Variants in TMEM131L observed in about 807,000 individuals in gnomAD.
The protein encoded by TMEM131L is transmembrane protein 131-like.
Under a neutral mutation model 192.2 loss-of-function variants are expected in TMEM131L, and 54 were observed. The ratio of observed to expected loss-of-function variants is 0.28; its 90% confidence interval spans 0.23 to 0.35. The LOEUF is 0.35. Ranked by LOEUF, TMEM131L falls within the 10% of genes least tolerant of loss-of-function variation. The pLI, the probability that TMEM131L is intolerant of heterozygous loss-of-function variation, is 1.00. For synonymous variants in TMEM131L, 701 were observed against 704.9 expected (o/e 0.99, Z 0.09); for missense variants, 1,888 against 1,972.9 (o/e 0.96, Z 0.82).
chr4:153,583,986 A>G (rs544342738), intron 11 of TMEM131L, among the ~76,000 whole-genome samples: 1 of 152,334 alleles, frequency 6.6e-6, no homozygotes, highest in Admixed American at 6.5e-5. Context: ...AAAATTGGCA[A>G]ATCTCTATGA....
chr4:153,602,852 CA>C, intron 23 of TMEM131L, 125 bp downstream of exon 23: 2 of 837,614 alleles, frequency 2.4e-6, no homozygotes, highest in Non-Finnish European at 1.9e-6. Context: ...GTTACTGCTT[CA>C]AGAACTGTGA....
intron 7 of TMEM131L, among the ~76,000 whole-genome samples, chr4:153,578,824 T>A (rs1730144048): frequency 6.6e-6 from 1 of 151,100 alleles, no homozygotes; most frequent in Admixed American, 6.6e-5. Flanking sequence ...CTGGCCATTT[T>A]TTTTTGTATT....
chr4:153,602,450 T>C (rs544876883), intron 22 of TMEM131L, 92 bp from the exon 23 acceptor site: 1 of 1,526,362 alleles, frequency 6.6e-7, no homozygotes, highest in East Asian at 2.3e-5. Flanking sequence ...TAAATATTTC[T>C]TTTGTAGGAG....
intron 4 of TMEM131L, among the ~76,000 whole-genome samples, chr4:153,550,561 C>CAA (rs1400797463): frequency 7.2e-5 from 11 of 152,086 alleles, no homozygotes; most frequent in Non-Finnish European, 1.3e-4. Flanking sequence ...CTCCTGACTT[C>CAA]GTGATCCGCC....
At chr4:153,493,142 C>T (rs1453953202) in intron 3 of TMEM131L, among the ~76,000 whole-genome samples, 4 of 151,176 alleles carry the variant, frequency 2.6e-5, no homozygotes, top group Admixed American at 6.6e-5. Context: ...GTCAGGAGAT[C>T]GAGACCATCC....
chr4:153,573,870 A>G (rs1381000037), intron 7 of TMEM131L, among the ~76,000 whole-genome samples: 1 of 152,236 alleles, frequency 6.6e-6, no homozygotes, highest in East Asian at 1.9e-4. Flanking sequence ...GCTTCCCCCA[A>G]GCATCTAAAT....
chr4:153,619,389 A>ATCCT (rs1355011826), intron 26 of TMEM131L, among the ~76,000 whole-genome samples: 1 of 152,252 alleles, frequency 6.6e-6, no homozygotes, highest in Non-Finnish European at 1.5e-5. Context: ...GAGTCTGCAT[A>ATCCT]TCCTTCAGTT....
intron 3 of TMEM131L, among the ~76,000 whole-genome samples, chr4:153,507,710 G>A (rs555023230): frequency 6.6e-6 from 1 of 152,180 alleles, no homozygotes; most frequent in East Asian, 1.9e-4. Context: ...GGAGTGAGAT[G>A]CAAAACAAAA....
At chr4:153,496,742 G>C (rs1199899919) in intron 3 of TMEM131L, among the ~76,000 whole-genome samples, 2 of 151,816 alleles carry the variant, frequency 1.3e-5, no homozygotes, top group African/African-American at 4.8e-5. Flanking sequence ...GTAGACATGG[G>C]GGTCTCACTA....
At position 153,505,338 on chromosome 4, in the gene TMEM131L, C is replaced by T. The variant is rs149504060; in HGVS notation, c.239+31450C>T. ...GGCCAGGCTGGTCTCAAACTCCTGACCTCGTGATCCACCCGCTTCAACCTC... is the reference window on the plus strand; with the variant it reads ...GGCCAGGCTGGTCTCAAACTCCTGATCTCGTGATCCACCCGCTTCAACCTC... On this transcript the variant is annotated intron_variant, in intron 3 of 34. Coordinates refer to ENST00000409959, the MANE Select transcript of TMEM131L (RefSeq NM_001131007.2). 7.1e-3 allele frequency among the ~76,000 whole-genome samples: 1,076 copies of T among 152,192 alleles called. 33 individuals carry two copies. Among genetic ancestry groups the T allele is most frequent in the Admixed American group, 0.055 (840 of 15,280 alleles).
At chr4:153,502,896 A>G (rs56660903) in intron 3 of TMEM131L, among the ~76,000 whole-genome samples, 1,570 of 152,272 alleles carry the variant, frequency 0.01, 23 homozygotes, top group African/African-American at 0.035. Context: ...GAAGATAACT[A>G]GGGGTCAATG....
intron 6 of TMEM131L, 51 bp from the exon 7 acceptor site, chr4:153,558,207 A>T (rs2150485171): frequency 1.0e-6 from 1 of 977,998 alleles, no homozygotes; most frequent in South Asian, 1.4e-5. Context: ...ATTATGGCAA[A>T]TGTGTTTTAA....
intron 3 of TMEM131L, among the ~76,000 whole-genome samples, chr4:153,539,056 A>C (rs1239863444): frequency 6.6e-6 from 1 of 152,256 alleles, no homozygotes; most frequent in Non-Finnish European, 1.5e-5. Context: ...TAGGGGCCAA[A>C]GAGCAACCTC....
At chr4:153,490,420 T>C (rs1274991103) in intron 3 of TMEM131L, among the ~76,000 whole-genome samples, 1 of 152,172 alleles carries the variant, frequency 6.6e-6, no homozygotes, top group Non-Finnish European at 1.5e-5. Context: ...AGGCACTTGC[T>C]CTCTAGTCCT....
At chr4:153,583,756 C>A in intron 11 of TMEM131L, 84 bp downstream of exon 11, 1 of 791,416 alleles carries the variant, frequency 1.3e-6, no homozygotes, top group Non-Finnish European at 2.1e-6. Flanking sequence ...ACAGATTAGG[C>A]ATGGTTTCAA....
intron 25 of TMEM131L, among the ~76,000 whole-genome samples, chr4:153,606,364 G>A (rs1561237774): frequency 6.6e-6 from 1 of 152,204 alleles, no homozygotes; most frequent in Non-Finnish European, 1.5e-5. Flanking sequence ...GCCCACAAGA[G>A]ATATGTGCCT....
intron 3 of TMEM131L, among the ~76,000 whole-genome samples, chr4:153,546,679 G>C (rs35989647): frequency 1.3e-5 from 2 of 152,240 alleles, no homozygotes; most frequent in Non-Finnish European, 1.5e-5. Flanking sequence ...TGTAATCCCA[G>C]CACTCTGGGA....
chr4:153,547,530 A>G lies in TMEM131L; in HGVS notation c.240-2543A>G, dbSNP rs114880900. Among the ~76,000 whole-genome samples, 312 of 152,366 alleles carry G rather than the reference A, an allele frequency of 2.0e-3. 1 individual carries two copies. The highest frequency in any genetic ancestry group is 7.0e-3 in the African/African-American group (290 of 41,590). On this transcript the variant is annotated intron_variant, in intron 3 of 34. Transcript: ENST00000409959. Reference sequence around the variant, plus strand: ...TTGACCTTAATGAAGCCTTTGCTTCATATCTGGCACATCATTTTATCTCAT... The same window carrying G: ...TTGACCTTAATGAAGCCTTTGCTTCGTATCTGGCACATCATTTTATCTCAT...
intron 16 of TMEM131L, among the ~76,000 whole-genome samples, 186 bp downstream of exon 16, chr4:153,589,193 G>T (rs532593417): frequency 5.3e-5 from 8 of 152,166 alleles, no homozygotes; most frequent in Admixed American, 2.6e-4. Context: ...ACAAATAGAA[G>T]ATTCATTCTT....
Sources: allele counts gnomAD v4.1 joint callset (sites outside exome capture counted in the v4.1 genomes callset), GRCh38; gene constraint gnomAD v4.1.1; transcripts MANE v1.5; gene names NCBI Gene and HGNC (gene_info 2026-07-23, HGNC 2026-07-21).